The following HERPUD2 variants were observed in gnomAD, a reference collection of about 807,000 sequenced individuals.
HERPUD2 encodes the protein homocysteine-responsive endoplasmic reticulum-resident ubiquitin-like domain member 2 protein.
In HERPUD2, 13 loss-of-function variants were observed where a neutral mutation model predicts 49.9. The ratio of observed to expected loss-of-function variants is 0.26; its 90% CI spans 0.17 to 0.41. HERPUD2 has a LOEUF of 0.41. HERPUD2 is among the 10% of genes least tolerant of loss of function. The pLI is 1.00. For synonymous variants in HERPUD2, 172 were observed against 171.4 expected, an observed-to-expected ratio of 1.00 and a Z score of -0.03; for missense variants, 449 against 492.2, an observed-to-expected ratio of 0.91 and a Z score of 0.83.
chr7:35,690,989 A>G (rs1040170818), intron 2 of HERPUD2, among the ~76,000 whole-genome samples: 2 of 152,180 alleles, frequency 1.3e-5, no homozygotes, highest in Non-Finnish European at 2.9e-5. Flanking sequence ...GTTCCTATGC[A>G]ACACACAGAA....
intron 4 of HERPUD2, 152 bp from the exon 5 acceptor site, chr7:35,667,740 A>T (rs1785567576): frequency 1.8e-5 from 10 of 564,076 alleles, no homozygotes; most frequent in Non-Finnish European, 3.0e-5. Flanking sequence ...GTATAAGTAG[A>T]TATTTTAATT....
intron 3 of HERPUD2, among the ~76,000 whole-genome samples, chr7:35,671,135 G>A (rs1285241261): frequency 1.3e-5 from 2 of 152,002 alleles, no homozygotes; most frequent in African/African-American, 4.8e-5. Context: ...GGGAAACAAA[G>A]CTACTAGAAA....
At chr7:35,668,784 G>A (rs1411032038) in intron 4 of HERPUD2, among the ~76,000 whole-genome samples, 4 of 152,080 alleles carry the variant, frequency 2.6e-5, no homozygotes, top group Admixed American at 6.6e-5. Flanking sequence ...CTCATTAAAT[G>A]GGCCATCATA....
At position 35,634,516 on chromosome 7, in the gene HERPUD2, GA is replaced by G. The variant is rs1583533212; in HGVS notation, c.942-88del. ...AAAATGTTATTAGTGTCCTATAAGAGAAAAATGATTAAAACTATAATAAATA... is the reference window on the plus strand; with the variant it reads ...AAAATGTTATTAGTGTCCTATAAGAGAAAATGATTAAAACTATAATAAATA... On this transcript the variant is annotated intron_variant, in intron 7 of 8. Transcript: ENST00000311350. 5 of 742,172 alleles carry G rather than the reference GA, an allele frequency of 6.7e-6. No individual in the cohort carries two copies. In the East Asian group the frequency reaches 1.1e-4, roughly 16 times the overall value. The allele number at this position is 742,172 out of a possible 1,614,324, so 46.0% of individuals were successfully genotyped here.
rs1277860758 is a variant in HERPUD2, at chr7:35,667,456, G to T, written c.472C>A (p.Gln158Lys). The T allele has an allele frequency of 8.1e-6, 13 of 1,613,394 alleles. No homozygotes were observed. Among genetic ancestry groups the T allele is most frequent in the Non-Finnish European group, 1.1e-5 (13 of 1,179,472 alleles). The part of the protein sequence containing the change: ...QAQTDQAQSH[Q>K]FPYVMQGNVD... The stretch of plus-strand genomic sequence containing the variant: ...TACCCTTGCATTACATATGGAAACT[G>T]GTGACTCTGTGCTTGGTCAGTTTGT... Residue 158 changes from glutamine (Q) to lysine (K), a missense_variant, in exon 5 of 9, where the codon CAG becomes AAG. By Grantham distance (53) the Gln-to-Lys change is moderately conservative. Transcript: ENST00000311350.
intron 2 of HERPUD2, among the ~76,000 whole-genome samples, chr7:35,676,018 A>G (rs897611209): frequency 3.3e-5 from 5 of 152,192 alleles, no homozygotes; most frequent in African/African-American, 1.2e-4. Context: ...AATAACCATA[A>G]TGTTACCACA....
At chr7:35,670,388 T>G in intron 3 of HERPUD2, 60 bp from the exon 4 acceptor site, 3 of 726,342 alleles carry the variant, frequency 4.1e-6, no homozygotes, top group Non-Finnish European at 4.2e-6. Flanking sequence ...GTTCAAAAAG[T>G]CAGTAGCTAA....
chr7:35,666,818 A>C (rs766592697), intron 5 of HERPUD2, among the ~76,000 whole-genome samples: 95 of 152,304 alleles, frequency 6.2e-4, no homozygotes, highest in Non-Finnish European at 1.1e-3. Context: ...TGCTTTATAA[A>C]ACTCTCAATA....
chr7:35,693,132 G>T (rs1425823754), intron 2 of HERPUD2, among the ~76,000 whole-genome samples: 1 of 152,076 alleles, frequency 6.6e-6, no homozygotes, highest in East Asian at 1.9e-4. Context: ...TACCAACCAC[G>T]GCCTTTCAAA....
chr7:35,692,060 C>T (rs1249622121), intron 2 of HERPUD2, among the ~76,000 whole-genome samples: 1 of 152,172 alleles, frequency 6.6e-6, no homozygotes, highest in Non-Finnish European at 1.5e-5. Context: ...AAAAGGTTTG[C>T]CATGTTAATC....
At chr7:35,694,132 G>A in intron 2 of HERPUD2, 52 bp downstream of exon 2, 3 of 1,601,574 alleles carry the variant, frequency 1.9e-6, no homozygotes, top group Non-Finnish European at 2.6e-6. Flanking sequence ...GAGGGTACAC[G>A]GCACGAAAAG....
Position 35,635,461 on chromosome 7 carries a change from GAAAT to G in HERPUD2, c.618-7_618-4del. ...CCTGAGCTGAAACTGCAGCTTGACT[GAAAT>G]AGTCACCAAAATAAATATTAAAAAG... On this transcript the variant is annotated splice_region_variant and splice_polypyrimidine_tract_variant and intron_variant, in intron 6 of 8. Transcript: ENST00000311350. 1 of 1,594,262 alleles carries G rather than the reference GAAAT, an allele frequency of 6.3e-7. No individual in the cohort carries two copies. Among genetic ancestry groups the G allele is most frequent in the Non-Finnish European group, 8.5e-7 (1 of 1,169,958 alleles).
rs570976499 is a variant in HERPUD2, at chr7:35,639,983, C to T, written c.495-1511G>A. ...GTCCTATATAAGGGGGAAAAAACTT[C>T]AGCTCTCTTGGACACAGGACAACAG... On this transcript the variant is annotated intron_variant, in intron 5 of 8. Transcript: ENST00000311350. Among the ~76,000 whole-genome samples the T allele has an allele frequency of 3.9e-5, 6 of 152,198 alleles. No individual in the cohort carries two copies. In the South Asian group the frequency reaches 1.2e-3, roughly 32 times the overall value.
Position 35,634,372 on chromosome 7 carries a change from G to A in HERPUD2, c.999C>T (p.Asn333=). 1.9e-6 allele frequency: 3 copies of A among 1,614,006 alleles called. No homozygotes were observed. Among genetic ancestry groups the A allele is most frequent in the East Asian group, 4.5e-5 (2 of 44,864 alleles). The part of the protein sequence containing the change: ...RQEGGHQQAP[N]NNAEVNNDGQ... ...CATCATTGTTAACTTCGGCATTATT[G>A]TTGGGAGCCTGCTGATGACCTCCTT... is the stretch of plus-strand genomic sequence containing the variant. Residue 333 remains asparagine, a synonymous_variant, in exon 8 of 9, where the codon AAC becomes AAT. Transcript: ENST00000311350.
intron 5 of HERPUD2, among the ~76,000 whole-genome samples, chr7:35,651,188 A>G (rs1785159043): frequency 6.6e-6 from 1 of 152,062 alleles, no homozygotes; most frequent in Non-Finnish European, 1.5e-5. Flanking sequence ...TGGCATATCC[A>G]CTGCCTAGGG....
intron 2 of HERPUD2, among the ~76,000 whole-genome samples, chr7:35,675,828 A>G (rs1785748317): frequency 6.6e-6 from 1 of 152,054 alleles, no homozygotes; most frequent in Non-Finnish European, 1.5e-5. Context: ...GTGGCTATTC[A>G]CAGGTGCGAT....
intron 5 of HERPUD2, among the ~76,000 whole-genome samples, chr7:35,664,446 G>C (rs1785496178): frequency 1.3e-5 from 2 of 152,154 alleles, no homozygotes; most frequent in Admixed American, 6.5e-5. Context: ...TGCCTCACTA[G>C]GTTGGGGAAG....
intron 2 of HERPUD2, among the ~76,000 whole-genome samples, chr7:35,679,664 G>C (rs1785837641): frequency 6.6e-6 from 1 of 152,102 alleles, no homozygotes; most frequent in African/African-American, 2.4e-5. Flanking sequence ...CTAAACATTA[G>C]GGTTCTTCAG....
Position 35,638,466 on chromosome 7 carries a change from T to C in HERPUD2, c.501A>G (p.Val167=), listed in dbSNP as rs1784909503. The change falls in exon 6 of 9, where the codon GTA becomes GTG. Residue 167 remains valine (V), a synonymous_variant. Coordinates refer to ENST00000311350, the MANE Select transcript of HERPUD2 (RefSeq NM_022373.5). The stretch of plus-strand genomic sequence containing the variant: ...CAGCTTGCCCAGGAAATTGGTTGTC[T>C]ACATTTCTGCAAGAAATAAATAATG... ...HQFPYVMQGN[V]DNQFPGQAAP... 2 of 1,612,148 alleles carry C rather than the reference T, an allele frequency of 1.2e-6. No homozygotes were observed. Among genetic ancestry groups the C allele is most frequent in the African/African-American group, 2.7e-5 (2 of 74,874 alleles).
Sources: gnomAD v4.1 joint callset for allele counts (sites outside exome capture counted in the v4.1 genomes callset) on GRCh38, gnomAD v4.1.1 for gene constraint, MANE v1.5 for transcripts, NCBI Gene and HGNC (gene_info 2026-07-23, HGNC 2026-07-21) for gene names.